Variants in CLASP1 observed in about 807,000 individuals in gnomAD.
The protein encoded by CLASP1 is CLIP-associating protein 1.
Under a neutral mutation model 192.3 loss-of-function variants are expected in CLASP1, and 38 were observed. The observed-to-expected ratio is 0.20, with a 90% CI of 0.15 to 0.26. CLASP1 has a LOEUF of 0.26. CLASP1 is among the 10% of genes least tolerant of loss of function. The pLI, the probability that CLASP1 is intolerant of heterozygous loss-of-function variation, is 1.00. For missense variants in CLASP1, 1,433 were observed against 1,932.5 expected, an observed-to-expected ratio of 0.74 and a Z score of 4.85; for synonymous variants, 691 against 712.8, an observed-to-expected ratio of 0.97 and a Z score of 0.49.
chr2:121,445,579 C>T, intron 19 of CLASP1: 1 of 670,272 alleles, frequency 1.5e-6, no homozygotes, highest in African/African-American at 1.9e-5. Context: ...GCAACTGTAA[C>T]AAATTCTCAC....
chr2:121,515,822 G>A, intron 6 of CLASP1, 60 bp from the exon 7 acceptor site: 2 of 1,430,194 alleles, frequency 1.4e-6, no homozygotes. Context: ...AAGTCCTGCT[G>A]GGACACAACA....
chr2:121,447,211 A>G, intron 19 of CLASP1, 126 bp downstream of exon 19: 1 of 873,624 alleles, frequency 1.1e-6, no homozygotes, highest in Non-Finnish European at 1.7e-6. Flanking sequence ...GAAGCTACTT[A>G]GATTTAAATA....
At chr2:121,493,463 G>A (rs2093403823) in intron 8 of CLASP1, among the ~76,000 whole-genome samples, 1 of 152,010 alleles carries the variant, frequency 6.6e-6, no homozygotes, top group African/African-American at 2.4e-5. Flanking sequence ...GAATAAAACT[G>A]GACCCCCATA....
chr2:121,613,631 A>T (rs546971560), intron 1 of CLASP1, among the ~76,000 whole-genome samples: 1,499 of 21,978 alleles, frequency 0.068, 17 homozygotes, highest in Middle Eastern at 0.15. Context: ...TTTTTTTTTA[A>T]AAAAAAAAAA....
At chr2:121,563,996 C>G (rs376946264) in intron 2 of CLASP1, among the ~76,000 whole-genome samples, 2 of 152,180 alleles carry the variant, frequency 1.3e-5, no homozygotes, top group African/African-American at 4.8e-5. Flanking sequence ...TGCAGGGAAA[C>G]TCCCATTTTT....
chr2:121,420,664 T>G (rs750043553), intron 22 of CLASP1, among the ~76,000 whole-genome samples: 1 of 152,220 alleles, frequency 6.6e-6, no homozygotes, highest in Non-Finnish European at 1.5e-5. Context: ...TTTGTCGTAT[T>G]CCACTGCCCA....
At chr2:121,441,426 C>T (rs1467854559) in intron 19 of CLASP1, among the ~76,000 whole-genome samples, 1 of 152,142 alleles carries the variant, frequency 6.6e-6, no homozygotes, top group African/African-American at 2.4e-5. Context: ...AACTATTCTC[C>T]CCAAAAGAAT....
At chr2:121,493,979 A>G (rs1378976889) in intron 8 of CLASP1, among the ~76,000 whole-genome samples, 3 of 152,176 alleles carry the variant, frequency 2.0e-5, no homozygotes. Flanking sequence ...AGAAAAGGGA[A>G]CTCTTGTACA....
chr2:121,493,875 T>G (rs1288038012), intron 8 of CLASP1, among the ~76,000 whole-genome samples: 1 of 152,126 alleles, frequency 6.6e-6, no homozygotes, highest in African/African-American at 2.4e-5. Flanking sequence ...ATCAGAGAAA[T>G]GCAAATCAAA....
chr2:121,629,395 A>T (rs1482368230), intron 1 of CLASP1, among the ~76,000 whole-genome samples: 2 of 152,116 alleles, frequency 1.3e-5, no homozygotes, highest in African/African-American at 2.4e-5. Flanking sequence ...ATCTCAAAAA[A>T]ATATATAAAA....
chr2:121,522,784 A>G (rs2094487774), intron 6 of CLASP1, among the ~76,000 whole-genome samples: 1 of 152,212 alleles, frequency 6.6e-6, no homozygotes, highest in Admixed American at 6.5e-5. Flanking sequence ...TGGCTATGTC[A>G]ATATCACAAA....
At chr2:121,448,996 G>C in exon 17 of CLASP1, 2 of 1,613,932 alleles carry the variant, frequency 1.2e-6, no homozygotes, top group South Asian at 1.1e-5. Context: ...TCTGACTGAG[G>C]CAGAGACACT....
intron 37 of CLASP1, among the ~76,000 whole-genome samples, chr2:121,356,731 G>A (rs1367217269): frequency 6.6e-6 from 1 of 152,198 alleles, no homozygotes; most frequent in African/African-American, 2.4e-5. Context: ...AGTAGTGTCT[G>A]TATGAAATGA....
At chr2:121,612,965 A>G (rs1450624254) in intron 1 of CLASP1, among the ~76,000 whole-genome samples, 1 of 152,260 alleles carries the variant, frequency 6.6e-6, no homozygotes, top group East Asian at 1.9e-4. Flanking sequence ...AGTTTAAAAA[A>G]AAGTTCAATT....
chr2:121,596,153 T>C (rs1026212155), intron 2 of CLASP1, among the ~76,000 whole-genome samples: 1 of 152,220 alleles, frequency 6.6e-6, no homozygotes, highest in African/African-American at 2.4e-5. Flanking sequence ...GGACACCATT[T>C]TTACCAACAA....
chr2:121,473,680 TAATC>T lies in CLASP1; in HGVS notation c.713-3724_713-3721del, dbSNP rs2091156433. Among the ~76,000 whole-genome samples, 5 of 152,248 alleles carry T rather than the reference TAATC, an allele frequency of 3.3e-5. No homozygotes were observed. The South Asian group carries it at 1.0e-3, about 32-fold the overall frequency. ...CAGAAAAGCATACGGAGGCACATCATAATCAAACTGCTTAAACCCAGACAAGAGC... is the reference window on the plus strand; with the variant it reads ...CAGAAAAGCATACGGAGGCACATCATAAACTGCTTAAACCCAGACAAGAGC... On this transcript the variant is annotated intron_variant, in intron 8 of 39. Coordinates refer to ENST00000263710, the Ensembl canonical transcript of CLASP1.
chr2:121,373,429 T>C (rs553994525), intron 34 of CLASP1, among the ~76,000 whole-genome samples: 1 of 152,170 alleles, frequency 6.6e-6, no homozygotes, highest in African/African-American at 2.4e-5. Flanking sequence ...ATATAGAAAA[T>C]TGGTACCAGA....
At chr2:121,522,313 G>A (rs907670200) in intron 6 of CLASP1, among the ~76,000 whole-genome samples, 1 of 151,992 alleles carries the variant, frequency 6.6e-6, no homozygotes, top group African/African-American at 2.4e-5. Context: ...TGGGGGAAAT[G>A]AAAAAACAAA....
chr2:121,490,926 A>G (rs1182047919), intron 8 of CLASP1, among the ~76,000 whole-genome samples: 1 of 152,224 alleles, frequency 6.6e-6, no homozygotes, highest in Admixed American at 6.5e-5. Context: ...ATTCACAATC[A>G]TTGCTTTTAA....
Sources: gnomAD v4.1 joint callset for allele counts (sites outside exome capture counted in the v4.1 genomes callset) on GRCh38, gnomAD v4.1.1 for gene constraint, MANE v1.5 for transcripts, NCBI Gene and HGNC (gene_info 2026-07-23, HGNC 2026-07-21) for gene names.